Variants in TBC1D2B observed in about 807,000 individuals in gnomAD.
TBC1D2B encodes the protein TBC1 domain family, member 2B.
A neutral mutation model predicts 100.8 loss-of-function variants in TBC1D2B; 64 were observed. The observed-to-expected ratio is 0.64, with a 90% CI of 0.52 to 0.78. TBC1D2B has a LOEUF of 0.78. TBC1D2B is among the 30% of genes least tolerant of loss of function. TBC1D2B has a pLI of 0.00. For synonymous variants in TBC1D2B, 480 were observed against 479.7 expected (o/e 1.00, Z -0.01); for missense variants, 1,052 against 1,218.4 (o/e 0.86, Z 2.03).
chr15:78,007,079 G>A (rs532713689), intron 10 of TBC1D2B, among the ~76,000 whole-genome samples: 1 of 152,354 alleles, frequency 6.6e-6, no homozygotes, highest in Admixed American at 6.5e-5. Flanking sequence ...GTGTGCTAAG[G>A]CTGCACAGGA....
In TBC1D2B at chr15:78,004,300, C is replaced by T. The variant is rs567698040; in HGVS notation, c.2389-810G>A. Among the ~76,000 whole-genome samples the T allele has an allele frequency of 8.5e-5, 13 of 152,310 alleles. No homozygotes were observed. The South Asian group carries it at 2.7e-3, about 32-fold the overall frequency. On this transcript the variant is annotated intron_variant, in intron 10 of 12. Transcript: ENST00000300584. ...GACACGTGGACCATCCTAACCATGG[C>T]CAGGCCCTGGTAACGATGTGTTCAT... is the stretch of plus-strand genomic sequence containing the variant.
intron 3 of TBC1D2B, among the ~76,000 whole-genome samples, chr15:78,041,798 T>C (rs1355088434): frequency 1.3e-5 from 2 of 152,236 alleles, no homozygotes; most frequent in South Asian, 2.1e-4. Flanking sequence ...CTGTGAAGAA[T>C]GGCTTTGTCA....
At chr15:78,075,613 A>G (rs150953838) in intron 1 of TBC1D2B, among the ~76,000 whole-genome samples, 48 of 152,344 alleles carry the variant, frequency 3.2e-4, no homozygotes, top group African/African-American at 8.4e-4. Context: ...CCGTATGTAC[A>G]CTGAGGAAGA....
At chr15:78,048,696 A>G (rs1222547142) in intron 2 of TBC1D2B, among the ~76,000 whole-genome samples, 1 of 152,218 alleles carries the variant, frequency 6.6e-6, no homozygotes, top group Non-Finnish European at 1.5e-5. Flanking sequence ...CTGGTCTCCA[A>G]GAGCCCTTCC....
intron 1 of TBC1D2B, among the ~76,000 whole-genome samples, chr15:78,055,267 T>C (rs1010273281): frequency 6.6e-6 from 1 of 151,578 alleles, no homozygotes; most frequent in Non-Finnish European, 1.5e-5. Flanking sequence ...TTCTACACAT[T>C]TGTCCAAAAT....
Position 78,017,933 on chromosome 15 carries a change from G to C in TBC1D2B, c.1495C>G (p.Gln499Glu). The change falls in exon 7 of 13, where the codon CAA becomes GAA. Residue 499 changes from glutamine to glutamate, a missense_variant. By Grantham distance (29) the Gln-to-Glu change is conservative. Around this residue, in one of 4 missense-constraint regions of TBC1D2B, gnomAD observed 627 missense variants for 646.1 expected, o/e 0.97. Coordinates refer to ENST00000300584, the MANE Select transcript of TBC1D2B (RefSeq NM_144572.2). ...LKDNLQGYKTQNKFLNKEILE... is the reference protein window; with the variant it reads ...LKDNLQGYKTENKFLNKEILE... ...ATCTCCTTATTTAGAAATTTGTTTT[G>C]GGTTTTGTACCCCTGTAGATTATCC... is the stretch of plus-strand genomic sequence containing the variant. 6.2e-7 allele frequency: 1 copy of C among 1,604,972 alleles called. No individual in the cohort carries two copies. The highest frequency in any genetic ancestry group is 1.7e-5 in the Admixed American group (1 of 58,938).
rs552424114 is a variant in TBC1D2B at position 78,024,708 on chromosome 15, GA to G, written c.1087-170del. Among the ~76,000 whole-genome samples the G allele has an allele frequency of 1.1e-3, 160 of 151,966 alleles. No homozygotes were observed. The Middle Eastern group carries it at 0.014, about 13-fold the overall frequency. On this transcript the variant is annotated intron_variant, in intron 5 of 12. Transcript: ENST00000300584. ...CTCTTGAAGGATCTCAAAAATAGAG[GA>G]AAAAAATATTTACTCCATAAAGACT...
rs201179221 is a variant in TBC1D2B at position 78,024,216 on chromosome 15, C to T, written c.1410G>A (p.Ala470=). 5.0e-6 allele frequency: 8 copies of T among 1,613,830 alleles called. No individual in the cohort carries two copies. Among genetic ancestry groups the T allele is most frequent in the Admixed American group, 3.3e-5 (2 of 60,030 alleles). The change falls in exon 6 of 13, where the codon GCG becomes GCA. Residue 470 remains alanine, a synonymous_variant. Transcript: ENST00000300584. The stretch of plus-strand genomic sequence containing the variant: ...CAGGCACAACCGAAGGGGAGCTGGG[C>T]GCCACGGTGGGAGGAGGCCCGTTGC... ...GEGNGPPPTV[A]PSSPSVVPVA... is the part of the protein sequence containing the mutation.
chr15:78,050,366 G>C (rs1425501139), intron 2 of TBC1D2B, among the ~76,000 whole-genome samples: 1 of 152,216 alleles, frequency 6.6e-6, no homozygotes, highest in Non-Finnish European at 1.5e-5. Flanking sequence ...GGGCATTTGA[G>C]CCTGCTATGA....
Position 78,029,946 on chromosome 15 carries a change from T to G in TBC1D2B, c.847+61A>C, listed in dbSNP as rs141235503. ...TACCTGCTAATAATGTGTCTCCACA[T>G]CACTGGTGGTTAACAGATGGCAGTA... On this transcript the variant is annotated intron_variant, in intron 4 of 12. Transcript: ENST00000300584. The G allele has an allele frequency of 1.4e-4, 191 of 1,412,678 alleles. No homozygotes were observed. In the Middle Eastern group the frequency reaches 2.2e-3, roughly 16 times the overall value. The allele number at this position is 1,412,678 out of a possible 1,614,324, so 87.5% of individuals were successfully genotyped here.
chr15:78,018,618 TAAC>T (rs1243762943), intron 6 of TBC1D2B, among the ~76,000 whole-genome samples: 1 of 152,142 alleles, frequency 6.6e-6, no homozygotes, highest in Non-Finnish European at 1.5e-5. Flanking sequence ...TAAAAGAACA[TAAC>T]AAGCTGGTGA....
intron 3 of TBC1D2B, chr15:78,034,566 C>A (rs1024595378): frequency 4.1e-6 from 4 of 985,234 alleles, no homozygotes; most frequent in South Asian, 9.4e-5. Context: ...CACCCCCACA[C>A]GGCCTGGGGA....
At chr15:78,040,678 AAAG>A (rs1208643104) in intron 3 of TBC1D2B, among the ~76,000 whole-genome samples, 2 of 140,776 alleles carry the variant, frequency 1.4e-5, no homozygotes, top group Non-Finnish European at 1.5e-5. Flanking sequence ...AAGAAAAAGA[AAAG>A]AAAGAAAGAA....
intron 10 of TBC1D2B, among the ~76,000 whole-genome samples, chr15:78,004,109 A>C (rs1298823760): frequency 6.6e-6 from 1 of 152,074 alleles, no homozygotes; most frequent in Non-Finnish European, 1.5e-5. Context: ...CTCTTACTGG[A>C]CTACTGTGAG....
intron 6 of TBC1D2B, among the ~76,000 whole-genome samples, chr15:78,019,017 T>C (rs1410158726): frequency 6.6e-6 from 1 of 152,054 alleles, no homozygotes; most frequent in African/African-American, 2.4e-5. Context: ...GAAGAAATTA[T>C]GTTCAAGACA....
intron 8 of TBC1D2B, among the ~76,000 whole-genome samples, chr15:78,015,872 G>C (rs1303834221): frequency 6.6e-6 from 1 of 152,160 alleles, no homozygotes; most frequent in African/African-American, 2.4e-5. Context: ...ATGCAGGCTG[G>C]TGCTGTAAGC....
chr15:78,026,000 G>A (rs1326740728), intron 4 of TBC1D2B, among the ~76,000 whole-genome samples: 1 of 151,330 alleles, frequency 6.6e-6, no homozygotes, highest in Non-Finnish European at 1.5e-5. Flanking sequence ...TTCAGCCAGA[G>A]ATGATTGATT....
chr15:78,076,012 G>A (rs1316479695), intron 1 of TBC1D2B, among the ~76,000 whole-genome samples: 2 of 152,138 alleles, frequency 1.3e-5, no homozygotes, highest in Non-Finnish European at 2.9e-5. Context: ...CCTGGAATAC[G>A]GAAGAGGAGT....
intron 1 of TBC1D2B, among the ~76,000 whole-genome samples, chr15:78,054,404 A>T (rs1032973080): frequency 2.0e-5 from 3 of 152,248 alleles, no homozygotes; most frequent in Admixed American, 2.0e-4. Context: ...AATTAACAAG[A>T]AGTCTTTTTA....
Sources: gnomAD v4.1 joint callset for allele counts (sites outside exome capture counted in the v4.1 genomes callset) on GRCh38, gnomAD v4.1.1 for gene constraint, gnomAD v4.1.1 regional missense constraint, MANE v1.5 for transcripts, NCBI Gene and HGNC (gene_info 2026-07-23, HGNC 2026-07-21) for gene names.